ZBTB44: variants seen among roughly 807,000 people sequenced by gnomAD.
ZBTB44 encodes zinc finger and BTB domain-containing protein 44.
A neutral mutation model predicts 54.0 loss-of-function variants in ZBTB44; 15 were observed. The ratio of observed to expected loss-of-function variants is 0.28; its 90% CI spans 0.19 to 0.43. The LOEUF (loss-of-function observed/expected upper bound fraction) is 0.43, where lower values mean the gene tolerates loss of function less well. Among genes scored for constraint, ZBTB44 ranks in the 20% least tolerant of loss-of-function variants. The probability of loss-of-function intolerance (pLI) is 1.00; values close to 1 mark genes in which losing one functional copy is unlikely to be tolerated. For synonymous variants in ZBTB44, 230 were observed against 250.1 expected, an observed-to-expected ratio of 0.92 and a Z score of 0.76; for missense variants, 487 against 707.1, an observed-to-expected ratio of 0.69 and a Z score of 3.53.
chr11:130,265,529 G>A (rs908333203), intron 1 of ZBTB44, among the ~76,000 whole-genome samples: 2 of 152,154 alleles, frequency 1.3e-5, no homozygotes, highest in Admixed American at 1.3e-4. Context: ...AGTGAGGAAG[G>A]CATGTTGAGA....
chr11:130,312,800 G>A (rs189660184), intron 1 of ZBTB44, among the ~76,000 whole-genome samples: 1 of 152,224 alleles, frequency 6.6e-6, no homozygotes, highest in African/African-American at 2.4e-5. Context: ...GAGGAATTTT[G>A]AAGATGGAGT....
At chr11:130,254,710 C>G (rs1434870995) in intron 2 of ZBTB44, among the ~76,000 whole-genome samples, 1 of 152,132 alleles carries the variant, frequency 6.6e-6, no homozygotes, top group African/African-American at 2.4e-5. Context: ...TTTGACCCAG[C>G]CATCCCATTA....
intron 1 of ZBTB44, among the ~76,000 whole-genome samples, chr11:130,302,103 A>G (rs1942020970): frequency 6.6e-6 from 1 of 152,190 alleles, no homozygotes; most frequent in Non-Finnish European, 1.5e-5. Flanking sequence ...TAATACTTAC[A>G]TAGTACCCAA....
chr11:130,309,696 A>C (rs1020178162), intron 1 of ZBTB44, among the ~76,000 whole-genome samples: 1 of 151,958 alleles, frequency 6.6e-6, no homozygotes, highest in African/African-American at 2.4e-5. Flanking sequence ...GGAGCTCGAG[A>C]CCAGCCTGGA....
chr11:130,255,800 G>A (rs1029819924), intron 2 of ZBTB44, among the ~76,000 whole-genome samples: 4 of 146,904 alleles, frequency 2.7e-5, no homozygotes, highest in Admixed American at 1.4e-4. Context: ...AAATCTAGAC[G>A]AAAATTCCTG....
In ZBTB44 at chr11:130,230,731, A is replaced by T. The variant is rs146927077; in HGVS notation, c.*1033T>A. Reference sequence around the variant, plus strand: ...TATATAAAACTTAAAATGCCAAAAAATAAAGACCAATATTAATCTCTTTAT... The same window carrying T: ...TATATAAAACTTAAAATGCCAAAAATTAAAGACCAATATTAATCTCTTTAT... On this transcript the variant is annotated 3_prime_UTR_variant, in exon 8 of 8. Transcript: ENST00000357899. The T allele has an allele frequency of 3.2e-3, 494 of 152,214 alleles. 4 individuals are homozygous for T. The highest frequency in any genetic ancestry group is 0.011 in the African/African-American group (451 of 41,572). 9.4% of individuals were successfully genotyped at this position (152,214 alleles called of 1,614,324 possible).
intron 5 of ZBTB44, chr11:130,236,566 GA>G (rs1394651615): frequency 2.4e-6 from 1 of 415,472 alleles, no homozygotes; most frequent in East Asian, 3.9e-5. Context: ...ACTTCTGCAG[GA>G]AAATATTTTT....
intron 2 of ZBTB44, among the ~76,000 whole-genome samples, chr11:130,259,500 G>A (rs1309255604): frequency 3.9e-5 from 6 of 152,078 alleles, no homozygotes; most frequent in Non-Finnish European, 7.3e-5. Context: ...AGACACATGC[G>A]CACATATGTT....
At chr11:130,313,907 GGTGTGTGTGTGTGTGTATGT>G (rs1279355319) in intron 1 of ZBTB44, among the ~76,000 whole-genome samples, 1 of 149,140 alleles carries the variant, frequency 6.7e-6, no homozygotes, top group Non-Finnish European at 1.5e-5. Flanking sequence ...AAGGAAAAGA[GGTGTGTGTGTGTGTGTATGT>G]GTGTGTGTGT....
chr11:130,301,540 T>C (rs1295145654), intron 1 of ZBTB44, among the ~76,000 whole-genome samples: 3 of 152,114 alleles, frequency 2.0e-5, no homozygotes, highest in Non-Finnish European at 4.4e-5. Context: ...GGTGTGCATC[T>C]GTGGTCCCAG....
intron 2 of ZBTB44, among the ~76,000 whole-genome samples, chr11:130,242,089 T>TC (rs1168904967): frequency 3.9e-5 from 6 of 152,328 alleles, no homozygotes; most frequent in African/African-American, 1.4e-4. Flanking sequence ...ACTTCTGCAT[T>TC]CCTGTATACA....
intron 2 of ZBTB44, among the ~76,000 whole-genome samples, chr11:130,256,156 G>A (rs951411851): frequency 2.0e-5 from 3 of 152,030 alleles, no homozygotes; most frequent in African/African-American, 7.2e-5. Flanking sequence ...AAAATACCAG[G>A]CCAATATACC....
chr11:130,265,182 G>A (rs924133219), intron 1 of ZBTB44, among the ~76,000 whole-genome samples: 3 of 151,998 alleles, frequency 2.0e-5, no homozygotes, highest in African/African-American at 7.2e-5. Flanking sequence ...ATAACCCTAC[G>A]ATGGCCTCTA....
chr11:130,294,791 CATATT>C (rs1295385939), intron 1 of ZBTB44, among the ~76,000 whole-genome samples: 1 of 152,088 alleles, frequency 6.6e-6, no homozygotes, highest in Non-Finnish European at 1.5e-5. Context: ...CTATTCACAT[CATATT>C]ATTTTATCTA....
At chr11:130,287,777 C>T (rs74349149) in intron 1 of ZBTB44, among the ~76,000 whole-genome samples, 1,973 of 152,068 alleles carry the variant, frequency 0.013, 48 homozygotes, top group African/African-American at 0.045. Flanking sequence ...ATTTTAAACT[C>T]GAATCTCAGG....
At chr11:130,312,117 G>A (rs1299254589) in intron 1 of ZBTB44, among the ~76,000 whole-genome samples, 1 of 152,082 alleles carries the variant, frequency 6.6e-6, no homozygotes, top group African/African-American at 2.4e-5. Flanking sequence ...TGCATTTTGG[G>A]GAAGAACAAT....
chr11:130,251,705 C>G (rs1395059230), intron 2 of ZBTB44, among the ~76,000 whole-genome samples: 3 of 152,156 alleles, frequency 2.0e-5, no homozygotes, highest in Non-Finnish European at 4.4e-5. Flanking sequence ...AAATCCTTTA[C>G]AGACAAGCAA....
intron 1 of ZBTB44, among the ~76,000 whole-genome samples, chr11:130,273,512 C>A (rs1939834550): frequency 6.6e-6 from 1 of 151,908 alleles, no homozygotes; most frequent in Admixed American, 6.6e-5. Context: ...GGGGTTTTGA[C>A]ACATTGCCCA....
rs914307505 is a variant in ZBTB44, at chr11:130,231,667, T to C, written c.*97A>G. The C allele has an allele frequency of 7.2e-5, 11 of 152,144 alleles. No homozygotes were observed. The highest frequency in any genetic ancestry group is 1.0e-4 in the Non-Finnish European group (7 of 68,012). 9.4% of individuals were successfully genotyped at this position (152,144 alleles called of 1,614,324 possible). On this transcript the variant is annotated 3_prime_UTR_variant, in exon 8 of 8. Transcript: ENST00000357899. ...TTTCTCTTCTTTATTCTTCTTTCCTTCTTTTCTTTTTTCTTTCCTCTTGCT... is the reference window on the plus strand; with the variant it reads ...TTTCTCTTCTTTATTCTTCTTTCCTCCTTTTCTTTTTTCTTTCCTCTTGCT...
Sources: allele counts gnomAD v4.1 joint callset (sites outside exome capture counted in the v4.1 genomes callset), GRCh38; gene constraint gnomAD v4.1.1; transcripts MANE v1.5; gene names NCBI Gene and HGNC (gene_info 2026-07-23, HGNC 2026-07-21).